MARCHF1: variants seen among roughly 807,000 people sequenced by gnomAD.
The protein encoded by MARCHF1 is E3 ubiquitin-protein ligase MARCHF1.
A neutral mutation model predicts 54.2 loss-of-function variants in MARCHF1; 40 were observed. That is an observed-to-expected ratio of 0.74 (90% CI 0.57 to 0.96). The LOEUF is 0.96. Among genes scored for constraint, MARCHF1 ranks in the 40% least tolerant of loss-of-function variants. The probability of loss-of-function intolerance (pLI) is 0.00; values close to 1 mark genes in which losing one functional copy is unlikely to be tolerated. For synonymous variants in MARCHF1, 236 were observed against 236.3 expected (o/e 1.00, Z 0.01); for missense variants, 586 against 656.5 (o/e 0.89, Z 1.17).
At chr4:164,015,081 T>A (rs982815070) in intron 2 of MARCHF1, among the ~76,000 whole-genome samples, 1 of 152,068 alleles carries the variant, frequency 6.6e-6, no homozygotes, top group Non-Finnish European at 1.5e-5. Flanking sequence ...GTAGTAAACA[T>A]CAAGGTACTA....
rs1271039059 is a variant in MARCHF1 at position 163,525,168 on chromosome 4, T to G, written c.*3580A>C. 6.6e-6 allele frequency: 1 copy of G among 152,186 alleles called. No individual in the cohort carries two copies. The highest frequency in any genetic ancestry group is 1.5e-5 in the Non-Finnish European group (1 of 68,018). The allele number at this position is 152,186 out of a possible 1,614,324, so 9.4% of individuals were successfully genotyped here. On this transcript the variant is annotated 3_prime_UTR_variant, in exon 10 of 10. Transcript: ENST00000514618. ...TCAAGGCAAGGAAGGGTAAACTATA[T>G]GGGGCAGATAGAAAAATCTTCCCAC...
chr4:164,166,906 A>AT (rs147535434), intron 1 of MARCHF1, among the ~76,000 whole-genome samples: 96,996 of 151,100 alleles, frequency 0.64, 34,070 homozygotes, highest in Non-Finnish European at 0.82. Context: ...AAATAAAAAA[A>AT]CAATGAATAA....
chr4:164,342,367 T>A (rs771855572), intron 1 of MARCHF1, among the ~76,000 whole-genome samples: 1 of 152,010 alleles, frequency 6.6e-6, no homozygotes, highest in African/African-American at 2.4e-5. Flanking sequence ...TAGAAATGTA[T>A]AAGTTCATAC....
At chr4:164,208,142 G>A (rs896993973) in intron 1 of MARCHF1, among the ~76,000 whole-genome samples, 1 of 152,160 alleles carries the variant, frequency 6.6e-6, no homozygotes, top group African/African-American at 2.4e-5. Context: ...ACTCATCAGT[G>A]TCTCTGGAAC....
chr4:163,702,904 GAAAAGTT>G lies in MARCHF1; in HGVS notation c.112-2048_112-2042del, dbSNP rs557762252. On this transcript the variant is annotated intron_variant, in intron 4 of 9. Coordinates refer to ENST00000514618, the MANE Select transcript of MARCHF1 (RefSeq NM_001394959.1). ...GTACATGGAAGAGGAAAGTGCATCAGAAAAGTTAACACGTGGTAGGACAGTGGTGTAC... is the reference window on the plus strand; with the variant it reads ...GTACATGGAAGAGGAAAGTGCATCAGAACACGTGGTAGGACAGTGGTGTAC... Among the ~76,000 whole-genome samples, 64 of 152,268 alleles carry G rather than the reference GAAAAGTT, an allele frequency of 4.2e-4. 1 individual carries two copies. In the South Asian group the frequency reaches 0.013, roughly 31 times the overall value.
rs371292682 is a variant in MARCHF1 at position 164,337,398 on chromosome 4, G to A, written c.-323+46472C>T. 2.5e-4 allele frequency among the ~76,000 whole-genome samples: 38 copies of A among 152,332 alleles called. 4 individuals are homozygous for A. The East Asian group carries it at 3.7e-3, about 15-fold the overall frequency. On this transcript the variant is annotated intron_variant, in intron 1 of 9. Coordinates refer to ENST00000514618, the MANE Select transcript of MARCHF1 (RefSeq NM_001394959.1). ...GCTCAATGCCAAGAGAACCTCCCCT[G>A]GGCTCTGCCCACAGGGAGAAGTGAC...
chr4:163,766,725 C>G (rs943934522), intron 4 of MARCHF1, among the ~76,000 whole-genome samples: 2 of 152,120 alleles, frequency 1.3e-5, no homozygotes, highest in African/African-American at 4.8e-5. Flanking sequence ...GAAATTTCCT[C>G]AAAGAGACAA....
chr4:164,077,781 A>G (rs1012542068), intron 2 of MARCHF1, among the ~76,000 whole-genome samples: 4 of 152,224 alleles, frequency 2.6e-5, no homozygotes, highest in Non-Finnish European at 4.4e-5. Flanking sequence ...CATGAAAAAA[A>G]GCTCATCATC....
At chr4:163,828,014 TACACACACACACAC>T (rs748460236) in intron 4 of MARCHF1, among the ~76,000 whole-genome samples, 2,358 of 124,546 alleles carry the variant, frequency 0.019, 39 homozygotes, top group Non-Finnish European at 0.023. Flanking sequence ...TGCGCAGGCA[TACACACACACACAC>T]ACACACACAC....
intron 1 of MARCHF1, among the ~76,000 whole-genome samples, chr4:164,361,103 A>G (rs1339451409): frequency 6.6e-6 from 1 of 151,770 alleles, no homozygotes; most frequent in Non-Finnish European, 1.5e-5. Context: ...TCATCCACAT[A>G]AAGGACTGGT....
chr4:163,929,886 G>A lies in MARCHF1; in HGVS notation c.-39+58615C>T, dbSNP rs73868949. On this transcript the variant is annotated intron_variant, in intron 3 of 9. Coordinates refer to ENST00000514618, the MANE Select transcript of MARCHF1 (RefSeq NM_001394959.1). ...TAAGACACTTTTGTGAAAGAAAGAG[G>A]GCACTATAAAAAACATATTGGAAAT... Among the ~76,000 whole-genome samples, 622 of 136,114 alleles carry A rather than the reference G, an allele frequency of 4.6e-3. 9 individuals are homozygous for A. Among genetic ancestry groups the A allele is most frequent in the African/African-American group, 0.017 (605 of 36,442 alleles). 89.3% of individuals were successfully genotyped at this position (136,114 alleles called of 152,430 possible). A position where few individuals can be genotyped will look rare whatever the true frequency, so the allele number is the denominator to read the frequency against.
chr4:164,255,997 GA>G (rs1044469461), intron 1 of MARCHF1, among the ~76,000 whole-genome samples: 1 of 151,686 alleles, frequency 6.6e-6, no homozygotes, highest in Non-Finnish European at 1.5e-5. Flanking sequence ...ACATTCACAA[GA>G]AAAAAATGTT....
At chr4:163,632,685 T>G (rs565589369) in intron 5 of MARCHF1, among the ~76,000 whole-genome samples, 1 of 152,168 alleles carries the variant, frequency 6.6e-6, no homozygotes, top group African/African-American at 2.4e-5. Context: ...CGCCCACCAT[T>G]GCCCAGGCTT....
intron 1 of MARCHF1, among the ~76,000 whole-genome samples, chr4:164,352,052 G>C (rs1249860699): frequency 2.4e-5 from 3 of 127,592 alleles, no homozygotes; most frequent in African/African-American, 8.2e-5. Context: ...GAGAAGGGAA[G>C]TTTAGAGAAA....
At chr4:163,794,638 A>C (rs1295858348) in intron 4 of MARCHF1, among the ~76,000 whole-genome samples, 1 of 152,048 alleles carries the variant, frequency 6.6e-6, no homozygotes, top group Non-Finnish European at 1.5e-5. Flanking sequence ...ATATTTTCCA[A>C]ATTTTCTGCA....
chr4:163,955,499 C>T (rs904078369), intron 3 of MARCHF1, among the ~76,000 whole-genome samples: 3 of 151,994 alleles, frequency 2.0e-5, no homozygotes, highest in Admixed American at 1.3e-4. Flanking sequence ...ACAACTCATA[C>T]ACTCACTCCA....
At chr4:164,273,975 G>A (rs544821933) in intron 1 of MARCHF1, among the ~76,000 whole-genome samples, 5 of 152,092 alleles carry the variant, frequency 3.3e-5, no homozygotes, top group Admixed American at 2.0e-4. Context: ...AAATTAATAT[G>A]CAGTTCATAC....
At chr4:163,892,014 A>T (rs181543285) in intron 3 of MARCHF1, among the ~76,000 whole-genome samples, 1,986 of 151,928 alleles carry the variant, frequency 0.013, 25 homozygotes, top group African/African-American at 0.024. Flanking sequence ...ATTTTTTTTT[A>T]AAAAAAACAA....
chr4:164,159,367 TACC>T, intron 1 of MARCHF1, among the ~76,000 whole-genome samples: 1 of 152,298 alleles, frequency 6.6e-6, no homozygotes, highest in African/African-American at 2.4e-5. Context: ...TAATTTTCTT[TACC>T]ACAAAACGTC....
Sources: gnomAD v4.1 joint callset for allele counts (sites outside exome capture counted in the v4.1 genomes callset) on GRCh38, gnomAD v4.1.1 for gene constraint, MANE v1.5 for transcripts, NCBI Gene and HGNC (gene_info 2026-07-23, HGNC 2026-07-21) for gene names.